WDR49: variants seen among roughly 807,000 people sequenced by gnomAD.
The protein encoded by WDR49 is WD repeat domain 49.
Under a neutral mutation model 119.5 loss-of-function variants are expected in WDR49, and 107 were observed. The ratio of observed to expected loss-of-function variants is 0.90; its 90% confidence interval spans 0.77 to 1.05. The LOEUF is 1.05. WDR49 is among the 50% of genes least tolerant of loss of function. The probability of loss-of-function intolerance (pLI) is 0.00; values close to 1 mark genes in which losing one functional copy is unlikely to be tolerated. For missense variants in WDR49, 1,240 were observed against 1,220.5 expected (o/e 1.02, Z -0.24); for synonymous variants, 425 against 418.8 (o/e 1.01, Z -0.18).
At chr3:167,540,527 C>T (rs1347493307) in intron 10 of WDR49, among the ~76,000 whole-genome samples, 3 of 152,122 alleles carry the variant, frequency 2.0e-5, no homozygotes, top group African/African-American at 7.2e-5. Flanking sequence ...CACCCCACCC[C>T]ATGGGACAAA....
intron 2 of WDR49, among the ~76,000 whole-genome samples, chr3:167,628,642 A>G (rs920431727): frequency 3.3e-5 from 5 of 152,172 alleles, no homozygotes; most frequent in African/African-American, 1.2e-4. Flanking sequence ...TTTGAAAAAA[A>G]GAAGTCATCT....
At chr3:167,486,575 A>G (rs372350772) in intron 18 of WDR49, among the ~76,000 whole-genome samples, 2 of 152,282 alleles carry the variant, frequency 1.3e-5, no homozygotes, top group East Asian at 3.9e-4. Flanking sequence ...CCATTGAAAC[A>G]GAAAACAAAA....
upstream of WDR49, among the ~76,000 whole-genome samples, chr3:167,657,572 C>T (rs1405867319): frequency 6.8e-6 from 1 of 147,354 alleles, no homozygotes; most frequent in Non-Finnish European, 1.5e-5. Context: ...ATATAGATCT[C>T]CCTTTTCCTT....
chr3:167,482,658 G>A (rs1267019859), intron 18 of WDR49, among the ~76,000 whole-genome samples: 3 of 144,730 alleles, frequency 2.1e-5, no homozygotes, highest in South Asian at 2.2e-4. Context: ...CAGCCTGGGC[G>A]ACAGAACGAG....
intron 7 of WDR49, among the ~76,000 whole-genome samples, chr3:167,592,260 ACTGT>A (rs1357699433): frequency 2.0e-5 from 3 of 151,986 alleles, no homozygotes; most frequent in Non-Finnish European, 4.4e-5. Flanking sequence ...ATCTTATTGT[ACTGT>A]CTATGTCTTG....
chr3:167,585,803 A>C (rs982642643), intron 7 of WDR49, among the ~76,000 whole-genome samples: 1 of 152,106 alleles, frequency 6.6e-6, no homozygotes, highest in Non-Finnish European at 1.5e-5. Context: ...AAACAATATA[A>C]GAAGATACAC....
intron 7 of WDR49, among the ~76,000 whole-genome samples, chr3:167,595,272 T>C (rs913818093): frequency 1.3e-5 from 2 of 152,072 alleles, no homozygotes; most frequent in African/African-American, 2.4e-5. Flanking sequence ...AGAATCAATA[T>C]CGTGAAAATG....
chr3:167,551,693 G>T (rs1178019777), intron 10 of WDR49, among the ~76,000 whole-genome samples: 1 of 151,980 alleles, frequency 6.6e-6, no homozygotes, highest in Non-Finnish European at 1.5e-5. Flanking sequence ...TGTGAAGAGA[G>T]AATATAATAG....
chr3:167,535,549 A>G (rs985989839), intron 11 of WDR49, among the ~76,000 whole-genome samples: 1 of 152,172 alleles, frequency 6.6e-6, no homozygotes, highest in African/African-American at 2.4e-5. Flanking sequence ...TGAGTGAGAC[A>G]TCACTTCATT....
rs186100667 is a variant in WDR49, at chr3:167,510,081, G to A, written c.2775-4665C>T. ...CTTATTTGTACTTCCAAATTTTCCC[G>A]TAATAAAAATGTAGTATTTTTGGCC... On this transcript the variant is annotated intron_variant, in intron 16 of 18. Coordinates refer to ENST00000682715, the MANE Select transcript of WDR49 (RefSeq NM_001366157.1). Among the ~76,000 whole-genome samples the A allele has an allele frequency of 2.0e-3, 309 of 152,204 alleles. 2 individuals are homozygous for A. Among genetic ancestry groups the A allele is most frequent in the Middle Eastern group, 6.8e-3 (2 of 294 alleles).
chr3:167,537,028 G>A (rs1392040609), intron 10 of WDR49, 28 bp from the exon 11 acceptor site: 1 of 1,545,946 alleles, frequency 6.5e-7, no homozygotes, highest in Non-Finnish European at 8.7e-7. Flanking sequence ...GAATTTAGCT[G>A]TGGATCTAAA....
chr3:167,553,823 G>A (rs1712729327), intron 10 of WDR49, among the ~76,000 whole-genome samples: 1 of 152,074 alleles, frequency 6.6e-6, no homozygotes. Context: ...AAATAGGGCA[G>A]TGTGTGGCAC....
In WDR49 at chr3:167,575,835, T is replaced by C. The variant is rs191225897; in HGVS notation, c.1509+83A>G. The C allele has an allele frequency of 7.7e-5, 109 of 1,422,740 alleles. No homozygotes were observed. In the African/African-American group the frequency reaches 1.1e-3, roughly 14 times the overall value. The allele number at this position is 1,422,740 out of a possible 1,614,324, so 88.1% of individuals were successfully genotyped here. A position where few individuals can be genotyped will look rare whatever the true frequency, so the allele number is the denominator to read the frequency against. On this transcript the variant is annotated intron_variant, in intron 8 of 18. Transcript: ENST00000682715. ...TTGCCTTTACTATATTTGTCTTTCA[T>C]TTTACCTTAAACTGAATTAAGTAAA...
chr3:167,559,972 A>G (rs1713163636), intron 9 of WDR49, 92 bp downstream of exon 9: 4 of 1,405,990 alleles, frequency 2.8e-6, no homozygotes, highest in Admixed American at 2.4e-5. Flanking sequence ...AATACCAAAA[A>G]GGCAAAAAAT....
Position 167,508,311 on chromosome 3 carries a change from A to T in WDR49, c.2775-2895T>A, listed in dbSNP as rs75233678. The stretch of plus-strand genomic sequence containing the variant: ...AGGCAACACAGAACACTGATAAAGT[A>T]CTAACTCTGGAGGCTGAATGCCTGC... On this transcript the variant is annotated intron_variant, in intron 16 of 18. Transcript: ENST00000682715. Among the ~76,000 whole-genome samples the T allele has an allele frequency of 4.5e-3, 690 of 152,358 alleles. 9 individuals are homozygous for T. The highest frequency in any genetic ancestry group is 0.016 in the African/African-American group (646 of 41,586).
At chr3:167,604,193 G>T in intron 6 of WDR49, 108 bp downstream of exon 6, 1 of 1,266,682 alleles carries the variant, frequency 7.9e-7, no homozygotes. Flanking sequence ...TTCTCGAGAT[G>T]GTCTCTATAG....
rs1164701056 is a variant in WDR49, at chr3:167,505,271, T to C, written c.2884+36A>G. The C allele has an allele frequency of 3.5e-6, 5 of 1,426,138 alleles. No individual in the cohort carries two copies. In the African/African-American group the frequency reaches 7.4e-5, roughly 21 times the overall value. 88.3% of individuals were successfully genotyped at this position (1,426,138 alleles called of 1,614,324 possible). On this transcript the variant is annotated intron_variant, in intron 17 of 18. Coordinates refer to ENST00000682715, the MANE Select transcript of WDR49 (RefSeq NM_001366157.1). ...GTATTCACACTAATCTGTTAAATAA[T>C]ATTATAAAAATACATTAACAACAGT...
At chr3:167,480,918 C>T (rs1418431208) in intron 18 of WDR49, among the ~76,000 whole-genome samples, 2 of 152,068 alleles carry the variant, frequency 1.3e-5, no homozygotes, top group African/African-American at 2.4e-5. Flanking sequence ...TGGTTTGGAT[C>T]GGTGAAATAG....
At chr3:167,590,688 T>A (rs1315092641) in intron 7 of WDR49, among the ~76,000 whole-genome samples, 2 of 152,112 alleles carry the variant, frequency 1.3e-5, no homozygotes, top group Admixed American at 6.6e-5. Flanking sequence ...GTTATTAACA[T>A]ATAGTGGCTC....
Sources: allele counts gnomAD v4.1 joint callset (sites outside exome capture counted in the v4.1 genomes callset), GRCh38; gene constraint gnomAD v4.1.1; transcripts MANE v1.5; gene names NCBI Gene and HGNC (gene_info 2026-07-23, HGNC 2026-07-21).